BAZ2B: variants seen among roughly 807,000 people sequenced by gnomAD.
BAZ2B encodes the protein bromodomain adjacent to zinc finger domain 2B.
In BAZ2B, 91 loss-of-function variants were observed where a neutral mutation model predicts 246.0. The observed-to-expected ratio is 0.37, with a 90% CI of 0.31 to 0.44. The LOEUF (loss-of-function observed/expected upper bound fraction) is 0.44, where lower values mean the gene tolerates loss of function less well. BAZ2B is among the 20% of genes least tolerant of loss of function. BAZ2B has a pLI of 1.00. For synonymous variants in BAZ2B, 855 were observed against 860.0 expected (o/e 0.99, Z 0.10); for missense variants, 2,332 against 2,533.7 (o/e 0.92, Z 1.71).
At chr2:159,701,650 AT>A in the BAZ2B span, among the ~76,000 whole-genome samples, 1 of 147,922 alleles carries the variant, frequency 6.8e-6, no homozygotes, top group African/African-American at 2.4e-5. Context: ...TATAATATAT[AT>A]TTTTATAATA....
At chr2:159,435,168 G>T (rs906715220) in intron 8 of BAZ2B, 3 of 151,634 alleles carry the variant, frequency 2.0e-5, no homozygotes, top group Admixed American at 6.6e-5. Flanking sequence ...AATGCTGATG[G>T]AATGTTATAT....
At chr2:159,446,210 C>A (rs2074225230) in intron 6 of BAZ2B, among the ~76,000 whole-genome samples, 1 of 152,180 alleles carries the variant, frequency 6.6e-6, no homozygotes, top group East Asian at 1.9e-4. Context: ...AGGACTAACA[C>A]TGCAAGAAGT....
chr2:159,452,248 C>T (rs2075192562), intron 4 of BAZ2B, among the ~76,000 whole-genome samples: 2 of 152,318 alleles, frequency 1.3e-5, no homozygotes, highest in South Asian at 4.1e-4. Flanking sequence ...TTTAAAAACA[C>T]TTCTTTCCTT....
the BAZ2B span, among the ~76,000 whole-genome samples, chr2:159,635,178 A>G: frequency 6.6e-6 from 1 of 152,142 alleles, no homozygotes; most frequent in African/African-American, 2.4e-5. Context: ...CAGGAAAGGG[A>G]ACATACCTTG....
At chr2:159,369,725 A>C (rs1403623947) in intron 27 of BAZ2B, among the ~76,000 whole-genome samples, 1 of 152,128 alleles carries the variant, frequency 6.6e-6, no homozygotes, top group African/African-American at 2.4e-5. Context: ...CAGGTGATTC[A>C]TAAGGTTAAA....
the BAZ2B span, among the ~76,000 whole-genome samples, chr2:159,671,777 G>A: frequency 1.3e-4 from 20 of 152,118 alleles, no homozygotes; most frequent in Middle Eastern, 3.2e-3. Flanking sequence ...TGGATAGCAC[G>A]TTGTTTTTCC....
At chr2:159,651,551 T>C in the BAZ2B span, among the ~76,000 whole-genome samples, 11 of 152,156 alleles carry the variant, frequency 7.2e-5, no homozygotes, top group Admixed American at 6.6e-4. Context: ...TAGGAAGATA[T>C]AATTTTTTGA....
At position 159,493,104 on chromosome 2, in the gene BAZ2B, A is replaced by G. The variant is rs139233725; in HGVS notation, c.-2-14383T>C. On this transcript the variant is annotated intron_variant, in intron 2 of 36. Transcript: ENST00000392783. ...ACTAGACACAAAATCAGGTCCACTC[A>G]TTACATTTCATTGCAATTTTTAAGG... 1.9e-3 allele frequency among the ~76,000 whole-genome samples: 287 copies of G among 152,288 alleles called. 1 individual carries two copies. The highest frequency in any genetic ancestry group is 6.7e-3 in the African/African-American group (278 of 41,550).
chr2:159,645,015 G>A, the BAZ2B span, among the ~76,000 whole-genome samples: 7 of 152,102 alleles, frequency 4.6e-5, no homozygotes, highest in Admixed American at 2.6e-4. Context: ...TGGCTCACAC[G>A]TGTAATCCCA....
chr2:159,362,418 G>A (rs2059811624), intron 27 of BAZ2B, among the ~76,000 whole-genome samples: 3 of 152,182 alleles, frequency 2.0e-5, no homozygotes, highest in African/African-American at 7.2e-5. Flanking sequence ...ATGCATACAG[G>A]GCAAGGTGTG....
chr2:159,567,157 C>T (rs1682816719), intron 1 of BAZ2B, among the ~76,000 whole-genome samples: 1 of 152,002 alleles, frequency 6.6e-6, no homozygotes, highest in African/African-American at 2.4e-5. Context: ...GCAGGAGAAT[C>T]GCTTGAACCC....
At chr2:159,673,412 T>C in the BAZ2B span, among the ~76,000 whole-genome samples, 1 of 152,150 alleles carries the variant, frequency 6.6e-6, no homozygotes, top group South Asian at 2.1e-4. Context: ...TGGTGGGATA[T>C]AAAATGCTAT....
At chr2:159,554,411 G>A (rs2088784980) in intron 2 of BAZ2B, among the ~76,000 whole-genome samples, 1 of 151,910 alleles carries the variant, frequency 6.6e-6, no homozygotes, top group Admixed American at 6.6e-5. Flanking sequence ...GGGCAATAAA[G>A]TTCTAATTAA....
At chr2:159,692,278 C>T in the BAZ2B span, among the ~76,000 whole-genome samples, 1 of 152,036 alleles carries the variant, frequency 6.6e-6, no homozygotes, top group South Asian at 2.1e-4. Flanking sequence ...CCTCAGCCTC[C>T]CGAGTAGCTG....
At chr2:159,619,427 T>C (rs185773054), upstream of BAZ2B, among the ~76,000 whole-genome samples, 1 of 151,864 alleles carries the variant, frequency 6.6e-6, no homozygotes, top group African/African-American at 2.4e-5. Flanking sequence ...AGGAAATATG[T>C]GACATTCCCA....
the BAZ2B span, among the ~76,000 whole-genome samples, chr2:159,700,223 T>C: frequency 2.0e-5 from 3 of 152,286 alleles, no homozygotes; most frequent in East Asian, 1.9e-4. Context: ...TCCCTTATTA[T>C]AGGGAGGAAT....
chr2:159,419,568 A>G (rs1364215706), intron 13 of BAZ2B, among the ~76,000 whole-genome samples: 1 of 152,240 alleles, frequency 6.6e-6, no homozygotes, highest in African/African-American at 2.4e-5. Flanking sequence ...GTGAAAGAGT[A>G]AGAACCATGA....
intron 3 of BAZ2B, among the ~76,000 whole-genome samples, chr2:159,457,960 T>C (rs2075977372): frequency 6.6e-6 from 1 of 152,164 alleles, no homozygotes; most frequent in South Asian, 2.1e-4. Flanking sequence ...TAATCTTTAT[T>C]GTTTTCATTC....
chr2:159,488,737 T>C (rs555176433), intron 2 of BAZ2B, among the ~76,000 whole-genome samples: 13 of 152,280 alleles, frequency 8.5e-5, no homozygotes, highest in African/African-American at 2.4e-4. Flanking sequence ...AAAATTTATA[T>C]TTAGCATAGG....
Sources: allele counts gnomAD v4.1 joint callset (sites outside exome capture counted in the v4.1 genomes callset), GRCh38; gene constraint gnomAD v4.1.1; transcripts MANE v1.5; gene names NCBI Gene and HGNC (gene_info 2026-07-23, HGNC 2026-07-21).